The following SPTLC3 variants were observed in gnomAD, a reference collection of about 807,000 sequenced individuals.
SPTLC3 encodes the protein serine palmitoyltransferase 3.
SPTLC3 carries 36 observed loss-of-function variants against 59.3 expected under a neutral mutation model. That is an observed-to-expected ratio of 0.61 (90% CI 0.47 to 0.80). SPTLC3 has a LOEUF of 0.80. Ranked by LOEUF, SPTLC3 falls within the 30% of genes least tolerant of loss-of-function variation. The pLI is 0.00. For missense variants in SPTLC3, 625 were observed against 685.1 expected (o/e 0.91, Z 0.98); for synonymous variants, 257 against 240.8 (o/e 1.07, Z -0.62).
chr20:13,145,671 C>G lies in SPTLC3; in HGVS notation c.1280-8332C>G, dbSNP rs571959813. 3.9e-5 allele frequency among the ~76,000 whole-genome samples: 6 copies of G among 152,130 alleles called. No individual in the cohort carries two copies. In the East Asian group the frequency reaches 9.7e-4, roughly 25 times the overall value. On this transcript the variant is annotated intron_variant, in intron 9 of 11. Transcript: ENST00000399002. ...ATTCATATGGAACCAAAAAAGAGCA[C>G]AAATAGCCAAGGCAATCCTAAGTAA... is the stretch of plus-strand genomic sequence containing the variant.
chr20:13,116,770 A>G (rs934421126), intron 7 of SPTLC3, among the ~76,000 whole-genome samples: 2 of 152,214 alleles, frequency 1.3e-5, no homozygotes, highest in African/African-American at 4.8e-5. Context: ...CATTGGTGGC[A>G]GCATCTCCTG....
At chr20:13,088,657 C>G (rs1037261238) in intron 4 of SPTLC3, among the ~76,000 whole-genome samples, 1 of 151,690 alleles carries the variant, frequency 6.6e-6, no homozygotes, top group Non-Finnish European at 1.5e-5. Flanking sequence ...CTCTCTCTGT[C>G]GCCCAGGGTA....
At chr20:13,153,200 C>T (rs188261913) in intron 9 of SPTLC3, among the ~76,000 whole-genome samples, 2 of 152,304 alleles carry the variant, frequency 1.3e-5, no homozygotes, top group African/African-American at 2.4e-5. Context: ...AAGCAGGACC[C>T]GAGTAGACAG....
chr20:13,086,379 A>G (rs1466158014), intron 4 of SPTLC3, among the ~76,000 whole-genome samples: 4 of 152,228 alleles, frequency 2.6e-5, no homozygotes, highest in Admixed American at 2.6e-4. Flanking sequence ...TCCTTTAAAA[A>G]TCCACCTCAC....
intron 9 of SPTLC3, among the ~76,000 whole-genome samples, chr20:13,134,982 G>A (rs544595267): frequency 2.0e-5 from 3 of 152,280 alleles, no homozygotes; most frequent in Admixed American, 1.3e-4. Context: ...CTTATGAAAT[G>A]CATGTGCCTC....
intron 9 of SPTLC3, among the ~76,000 whole-genome samples, chr20:13,132,456 C>T (rs1044707372): frequency 3.0e-4 from 45 of 152,160 alleles, no homozygotes; most frequent in African/African-American, 1.0e-3. Context: ...GGATTACAGG[C>T]GTGAGGACCG....
At chr20:13,149,307 C>G (rs1028621398) in intron 9 of SPTLC3, among the ~76,000 whole-genome samples, 1 of 152,212 alleles carries the variant, frequency 6.6e-6, no homozygotes, top group Non-Finnish European at 1.5e-5. Flanking sequence ...CCTTTGCCAT[C>G]CTAGCATGGC....
At chr20:13,094,457 C>T (rs1226961067) in intron 6 of SPTLC3, among the ~76,000 whole-genome samples, 1 of 152,086 alleles carries the variant, frequency 6.6e-6, no homozygotes, top group African/African-American at 2.4e-5. Flanking sequence ...TCTCTTTCTT[C>T]CTTACCACCT....
intron 2 of SPTLC3, chr20:13,050,983 A>G (rs921330637): frequency 6.6e-6 from 1 of 152,210 alleles, no homozygotes; most frequent in Admixed American, 6.5e-5. Context: ...ATCACGTGGG[A>G]CCTATTAAAA....
chr20:13,159,388 A>G (rs1429200965), intron 10 of SPTLC3, among the ~76,000 whole-genome samples: 1 of 152,142 alleles, frequency 6.6e-6, no homozygotes, highest in Non-Finnish European at 1.5e-5. Context: ...CACATATGAA[A>G]CAATCAGGAG....
At chr20:13,145,639 T>C (rs768786313) in intron 9 of SPTLC3, among the ~76,000 whole-genome samples, 5 of 151,992 alleles carry the variant, frequency 3.3e-5, no homozygotes, top group Admixed American at 6.6e-5. Context: ...AAAAAAAAGA[T>C]TTTAAAATTC....
At chr20:13,011,608 C>T (rs756314274) in intron 1 of SPTLC3, among the ~76,000 whole-genome samples, 6 of 152,208 alleles carry the variant, frequency 3.9e-5, no homozygotes, top group Non-Finnish European at 8.8e-5. Context: ...AGGCTGCCAT[C>T]CCTGCTCCAG....
chr20:13,100,676 C>T (rs1335825672), intron 6 of SPTLC3, among the ~76,000 whole-genome samples: 3 of 152,180 alleles, frequency 2.0e-5, no homozygotes, highest in Non-Finnish European at 4.4e-5. Context: ...CATAACTACT[C>T]TATCATTTAT....
chr20:13,065,991 G>C (rs1364435704), intron 2 of SPTLC3, among the ~76,000 whole-genome samples: 1 of 152,194 alleles, frequency 6.6e-6, no homozygotes, highest in Non-Finnish European at 1.5e-5. Context: ...TAGTCACCAT[G>C]CTGTACATTA....
chr20:13,144,084 T>C (rs1416675815), intron 9 of SPTLC3, among the ~76,000 whole-genome samples: 1 of 152,196 alleles, frequency 6.6e-6, no homozygotes, highest in Non-Finnish European at 1.5e-5. Context: ...CATTTTTAGC[T>C]TATGATGATC....
At position 13,117,536 on chromosome 20, in the gene SPTLC3, G is replaced by C. The variant is rs1990629897; in HGVS notation, c.963G>C (p.Gln321His). 3 of 1,606,376 alleles carry C rather than the reference G, an allele frequency of 1.9e-6. No individual in the cohort carries two copies. Among genetic ancestry groups the C allele is most frequent in the Non-Finnish European group, 2.6e-6 (3 of 1,176,066 alleles). Residue 321 changes from glutamine to histidine, a missense_variant, in exon 8 of 12, where the codon CAG (glutamine) becomes CAC (histidine). By Grantham distance (24) the Gln-to-His change is conservative. Transcript: ENST00000399002. The part of the protein sequence containing the change: ...SMEGSIVHLP[Q>H]IIALKKKYKA... ...AAGGTTCCATCGTGCATCTGCCCCA[G>C]ATCATAGCTCTAAAGAAGAAATACA...
chr20:13,051,488 T>C (rs1238540635), intron 2 of SPTLC3, among the ~76,000 whole-genome samples: 1 of 152,180 alleles, frequency 6.6e-6, no homozygotes. Flanking sequence ...ACGATAATAG[T>C]GAGGGACTTC....
chr20:13,071,718 A>G (rs1356649535), intron 2 of SPTLC3, among the ~76,000 whole-genome samples: 1 of 152,170 alleles, frequency 6.6e-6, no homozygotes, highest in Non-Finnish European at 1.5e-5. Flanking sequence ...CACTTTATAC[A>G]GCAACTCAGC....
At chr20:13,094,301 A>G (rs779666670) in intron 6 of SPTLC3, among the ~76,000 whole-genome samples, 2 of 152,160 alleles carry the variant, frequency 1.3e-5, no homozygotes, top group African/African-American at 2.4e-5. Flanking sequence ...GAACTCTGTG[A>G]TAGGTAAGGA....
Sources: gnomAD v4.1 joint callset for allele counts (sites outside exome capture counted in the v4.1 genomes callset) on GRCh38, gnomAD v4.1.1 for gene constraint, MANE v1.5 for transcripts, NCBI Gene and HGNC (gene_info 2026-07-23, HGNC 2026-07-21) for gene names.